LRP1B: variants seen among roughly 807,000 people sequenced by gnomAD.
LRP1B encodes the protein low-density lipoprotein receptor-related protein 1B.
In LRP1B, 217 loss-of-function variants were observed where a neutral mutation model predicts 556.6. The ratio of observed to expected loss-of-function variants is 0.39; its 90% CI spans 0.35 to 0.44. LRP1B has a LOEUF of 0.44. LRP1B is among the 20% of genes least tolerant of loss of function. The pLI is 1.00. For synonymous variants in LRP1B, 2,047 were observed against 1,865.8 expected (o/e 1.10, Z -2.50); for missense variants, 5,053 against 5,620.8 (o/e 0.90, Z 3.23).
chr2:140,282,743 G>A (rs558707419), intron 84 of LRP1B, among the ~76,000 whole-genome samples: 93 of 151,900 alleles, frequency 6.1e-4, no homozygotes, highest in African/African-American at 2.2e-3. Flanking sequence ...AGGTTCAAAT[G>A]TCAGATGTTA....
chr2:141,579,724 C>CTTTTATTTTTTTTTTTTTTTTTTTT (rs1686892682), intron 2 of LRP1B, among the ~76,000 whole-genome samples: 1 of 101,002 alleles, frequency 9.9e-6, no homozygotes, highest in Non-Finnish European at 1.8e-5. Flanking sequence ...TCAGGTTTCA[C>CTTTTATTTTTTTTTTTTTTTTTTTT]TTTTTTTTTT....
chr2:140,953,975 T>C (rs924993330), intron 18 of LRP1B, among the ~76,000 whole-genome samples: 6 of 152,226 alleles, frequency 3.9e-5, no homozygotes, highest in African/African-American at 7.2e-5. Context: ...TCTCCTCATA[T>C]TGTTAGCATA....
At chr2:141,920,614 C>T (rs971698069) in intron 1 of LRP1B, among the ~76,000 whole-genome samples, 3 of 151,958 alleles carry the variant, frequency 2.0e-5, no homozygotes, top group Admixed American at 2.0e-4. Flanking sequence ...TGAAGTTTTA[C>T]ATGAAAACTA....
intron 1 of LRP1B, among the ~76,000 whole-genome samples, chr2:142,064,076 T>C (rs887326750): frequency 2.0e-5 from 3 of 151,608 alleles, no homozygotes; most frequent in Non-Finnish European, 4.4e-5. Flanking sequence ...AATGTTTTCT[T>C]TCTATGTCTA....
intron 2 of LRP1B, among the ~76,000 whole-genome samples, chr2:141,669,349 A>G (rs1172926288): frequency 6.6e-6 from 1 of 152,132 alleles, no homozygotes; most frequent in African/African-American, 2.4e-5. Context: ...AACCCTGACA[A>G]CACCTTAGTC....
chr2:140,315,739 A>C (rs1172543291), intron 82 of LRP1B, among the ~76,000 whole-genome samples: 3 of 152,200 alleles, frequency 2.0e-5, no homozygotes, highest in Non-Finnish European at 2.9e-5. Flanking sequence ...TGTAAGATAC[A>C]TTTATAGCAT....
chr2:140,474,315 C>G (rs1185710518), intron 60 of LRP1B, among the ~76,000 whole-genome samples: 1 of 151,878 alleles, frequency 6.6e-6, no homozygotes, highest in Non-Finnish European at 1.5e-5. Flanking sequence ...CTCTTCCTTA[C>G]CATTTCTCAT....
intron 41 of LRP1B, among the ~76,000 whole-genome samples, chr2:140,620,987 G>A (rs1214635689): frequency 6.6e-6 from 1 of 151,958 alleles, no homozygotes; most frequent in Non-Finnish European, 1.5e-5. Flanking sequence ...ATTTGTTAAT[G>A]TTATTTTCTC....
At chr2:140,397,165 C>CTT (rs1181691054) in intron 66 of LRP1B, among the ~76,000 whole-genome samples, 2 of 152,014 alleles carry the variant, frequency 1.3e-5, no homozygotes, top group Non-Finnish European at 2.9e-5. Context: ...TATAAAATTA[C>CTT]TTTTTTAACA....
chr2:140,980,480 C>T (rs1198952321), intron 18 of LRP1B, among the ~76,000 whole-genome samples: 1 of 152,166 alleles, frequency 6.6e-6, no homozygotes, highest in African/African-American at 2.4e-5. Flanking sequence ...TTGTGTGGTT[C>T]TCTAGTGCTT....
intron 2 of LRP1B, among the ~76,000 whole-genome samples, chr2:141,532,450 T>A (rs72992772): frequency 0.031 from 4,740 of 152,152 alleles, 265 homozygotes; most frequent in African/African-American, 0.11. Flanking sequence ...CTTTTCTTTA[T>A]TATCTCTGAG....
chr2:140,561,374 C>T (rs982731404), intron 43 of LRP1B, among the ~76,000 whole-genome samples: 2 of 152,162 alleles, frequency 1.3e-5, no homozygotes, highest in Admixed American at 6.6e-5. Flanking sequence ...TTTGATCATA[C>T]CCTTCTTGTC....
In LRP1B at chr2:141,322,978, A is replaced by C. The variant is rs772359380; in HGVS notation, c.344-68337T>G. ...TTCTGCATATTTGTTTACTCATTGCAAAATGAAGACAACAATACCTTCATC... is the reference window on the plus strand; with the variant it reads ...TTCTGCATATTTGTTTACTCATTGCCAAATGAAGACAACAATACCTTCATC... On this transcript the variant is annotated intron_variant, in intron 3 of 90. Coordinates refer to ENST00000389484, the MANE Select transcript of LRP1B (RefSeq NM_018557.3). Among the ~76,000 whole-genome samples, 144 of 152,260 alleles carry C rather than the reference A, an allele frequency of 9.5e-4. 1 individual carries two copies. The highest frequency in any genetic ancestry group is 6.8e-3 in the Middle Eastern group (2 of 294).
At chr2:140,944,398 C>A (rs1038347691) in intron 20 of LRP1B, among the ~76,000 whole-genome samples, 3 of 152,026 alleles carry the variant, frequency 2.0e-5, no homozygotes, top group Admixed American at 2.0e-4. Context: ...AGAGGAGGGA[C>A]TCCTTTGTAA....
In LRP1B at chr2:140,364,229, TAC is replaced by T. The variant is rs530359324; in HGVS notation, c.11131+430_11131+431del. ...GATATACAGATAGATGATTGATAGA[TAC>T]AGAGATATTTCATTAGTGGGTGGCT... On this transcript the variant is annotated intron_variant, in intron 72 of 90. Transcript: ENST00000389484. Among the ~76,000 whole-genome samples the T allele has an allele frequency of 2.0e-3, 298 of 151,736 alleles. 2 individuals carry two copies. Among genetic ancestry groups the T allele is most frequent in the Non-Finnish European group, 4.1e-4 (28 of 67,742 alleles).
At chr2:141,309,196 A>C (rs904311262) in intron 3 of LRP1B, among the ~76,000 whole-genome samples, 1 of 152,202 alleles carries the variant, frequency 6.6e-6, no homozygotes, top group Admixed American at 6.5e-5. Context: ...TCAGATTGAA[A>C]ATTTGTTTTG....
intron 16 of LRP1B, among the ~76,000 whole-genome samples, chr2:140,991,379 C>T (rs1465582559): frequency 6.6e-6 from 1 of 151,950 alleles, no homozygotes; most frequent in Non-Finnish European, 1.5e-5. Context: ...TAAAATAATC[C>T]TCTGAAATTA....
chr2:141,017,753 G>C (rs2105393099), intron 12 of LRP1B, among the ~76,000 whole-genome samples: 1 of 151,828 alleles, frequency 6.6e-6, no homozygotes, highest in East Asian at 2.0e-4. Context: ...CCAGCACTTT[G>C]GGAGGCTGAG....
At chr2:141,822,092 TAC>T (rs149899299) in intron 1 of LRP1B, among the ~76,000 whole-genome samples, 25,364 of 112,150 alleles carry the variant, frequency 0.23, 3,243 homozygotes, top group East Asian at 0.38. Context: ...AAAAAATACA[TAC>T]ACACACACAC....
Sources: gnomAD v4.1 joint callset for allele counts (sites outside exome capture counted in the v4.1 genomes callset) on GRCh38, gnomAD v4.1.1 for gene constraint, MANE v1.5 for transcripts, NCBI Gene and HGNC (gene_info 2026-07-23, HGNC 2026-07-21) for gene names.